The following NALCN variants were observed in gnomAD, a reference collection of about 807,000 sequenced individuals.
The protein encoded by NALCN is sodium leak channel, non-selective.
Under a neutral mutation model 225.3 loss-of-function variants are expected in NALCN, and 111 were observed. The observed-to-expected ratio is 0.49, with a 90% confidence interval of 0.42 to 0.58. The LOEUF is 0.58. Ranked by LOEUF, NALCN falls within the 20% of genes least tolerant of loss-of-function variation. The pLI is 0.00. For synonymous variants in NALCN, 764 were observed against 769.0 expected (o/e 0.99, Z 0.11); for missense variants, 1,378 against 2,202.4 (o/e 0.63, Z 7.49).
At chr13:101,147,771 C>T (rs1347029291) in intron 15 of NALCN, among the ~76,000 whole-genome samples, 1 of 151,972 alleles carries the variant, frequency 6.6e-6, no homozygotes, top group Non-Finnish European at 1.5e-5. Context: ...CCAGCCTCAG[C>T]TAGCTCTATC....
chr13:101,197,590 C>T (rs1235989437), intron 13 of NALCN, among the ~76,000 whole-genome samples: 1 of 152,156 alleles, frequency 6.6e-6, no homozygotes, highest in Non-Finnish European at 1.5e-5. Flanking sequence ...TTAAACATCA[C>T]TATACGGGTC....
intron 13 of NALCN, among the ~76,000 whole-genome samples, chr13:101,222,930 G>A (rs1461756686): frequency 2.0e-5 from 3 of 152,170 alleles, no homozygotes; most frequent in Non-Finnish European, 4.4e-5. Context: ...AGGGAACCAT[G>A]AGGCTGACTA....
intron 13 of NALCN, among the ~76,000 whole-genome samples, chr13:101,194,741 C>G (rs546798622): frequency 1.3e-5 from 2 of 152,292 alleles, no homozygotes; most frequent in Admixed American, 1.3e-4. Context: ...TGATGGCTCA[C>G]GCCTGTAATC....
At chr13:101,168,292 G>T (rs1212451951) in intron 15 of NALCN, among the ~76,000 whole-genome samples, 1 of 151,838 alleles carries the variant, frequency 6.6e-6, no homozygotes, top group Non-Finnish European at 1.5e-5. Flanking sequence ...CTCTTTTTCA[G>T]TATCTATTTC....
In NALCN at chr13:101,095,615, C is replaced by G; in HGVS notation, c.3228G>C (p.Arg1076Ser). The change falls in exon 28 of 44, where the codon AGG becomes AGC. Residue 1076 changes from arginine (R) to serine (S), a missense_variant. Transcript: ENST00000251127. ...AAAATCCAGGTTTTTTCTCTCCAGG[C>G]CTCAATTTTAAATTTAAGTTCTTTG... ...SVSKNLNLKL[R>S]PGEKKPGFWV... 1 of 1,613,298 alleles carries G rather than the reference C, an allele frequency of 6.2e-7. No individual in the cohort carries two copies. Among genetic ancestry groups the G allele is most frequent in the Non-Finnish European group, 8.5e-7 (1 of 1,179,662 alleles).
intron 6 of NALCN, among the ~76,000 whole-genome samples, chr13:101,376,041 C>G (rs2046680898): frequency 1.3e-5 from 2 of 152,056 alleles, no homozygotes; most frequent in Non-Finnish European, 1.5e-5. Flanking sequence ...ACCCACCAAC[C>G]CTACAACAGT....
At chr13:101,307,502 T>C (rs548483827) in intron 7 of NALCN, among the ~76,000 whole-genome samples, 8 of 152,352 alleles carry the variant, frequency 5.3e-5, no homozygotes, top group Admixed American at 1.3e-4. Context: ...TGGAGCGGCA[T>C]TCCAATGAAT....
chr13:101,407,244 T>G (rs2047651027), intron 1 of NALCN, among the ~76,000 whole-genome samples: 1 of 152,202 alleles, frequency 6.6e-6, no homozygotes, highest in Non-Finnish European at 1.5e-5. Context: ...ATCTACTCTA[T>G]AAGTTTCCAA....
chr13:101,301,537 A>G (rs920193024), intron 7 of NALCN, among the ~76,000 whole-genome samples: 2 of 152,120 alleles, frequency 1.3e-5, no homozygotes, highest in Non-Finnish European at 1.5e-5. Flanking sequence ...CCTGGCCAAC[A>G]TGGTGAAACC....
At chr13:101,359,516 C>G (rs2046162518) in intron 6 of NALCN, among the ~76,000 whole-genome samples, 3 of 152,214 alleles carry the variant, frequency 2.0e-5, no homozygotes, top group African/African-American at 4.8e-5. Context: ...AAAATTTGTC[C>G]TAGTGCAGTT....
At chr13:101,273,462 A>G (rs987634820) in intron 10 of NALCN, among the ~76,000 whole-genome samples, 4 of 152,226 alleles carry the variant, frequency 2.6e-5, no homozygotes, top group African/African-American at 9.7e-5. Flanking sequence ...AATACCACAT[A>G]AAAGAATTGC....
In NALCN at chr13:101,171,282, TTATAAA is replaced by T. The variant is rs1273784681; in HGVS notation, c.1839+5012_1839+5017del. Among the ~76,000 whole-genome samples, 4 of 148,948 alleles carry T rather than the reference TTATAAA, an allele frequency of 2.7e-5. No homozygotes were observed. The East Asian group carries it at 5.8e-4, about 22-fold the overall frequency. ...AATTTATGTCATGTATTACATATAT[TTATAAA>T]TATAATCTTTATATTTAATATATAC... On this transcript the variant is annotated intron_variant, in intron 15 of 43. Coordinates refer to ENST00000251127, the MANE Select transcript of NALCN (RefSeq NM_052867.4).
chr13:101,105,068 G>A, intron 22 of NALCN, 118 bp from the exon 23 acceptor site: 3 of 783,486 alleles, frequency 3.8e-6, no homozygotes, highest in Non-Finnish European at 6.2e-6. Flanking sequence ...TCTCTACAAT[G>A]TCCATTATAA....
At chr13:101,351,553 G>C (rs1331799354) in intron 6 of NALCN, among the ~76,000 whole-genome samples, 1 of 152,098 alleles carries the variant, frequency 6.6e-6, no homozygotes, top group Non-Finnish European at 1.5e-5. Context: ...ACTCCTAGCG[G>C]TGCAGAGCAC....
intron 10 of NALCN, among the ~76,000 whole-genome samples, chr13:101,275,938 C>T (rs1444175261): frequency 6.6e-6 from 1 of 151,798 alleles, no homozygotes; most frequent in Admixed American, 6.6e-5. Context: ...GTGGCGGGCG[C>T]CTGTAGTCTC....
intron 6 of NALCN, among the ~76,000 whole-genome samples, chr13:101,374,612 A>G (rs1490873454): frequency 6.6e-6 from 1 of 152,144 alleles, no homozygotes; most frequent in African/African-American, 2.4e-5. Context: ...CTAAGTAGGT[A>G]TGAGATGCAT....
At chr13:101,206,589 T>TAAC (rs4000947) in intron 13 of NALCN, among the ~76,000 whole-genome samples, 41,002 of 151,540 alleles carry the variant, frequency 0.27, 6,541 homozygotes, top group Non-Finnish European at 0.37. Context: ...TTCTCACTGA[T>TAAC]GTTTAACTAT....
intron 11 of NALCN, among the ~76,000 whole-genome samples, chr13:101,250,708 A>G (rs1196286073): frequency 6.6e-6 from 1 of 152,030 alleles, no homozygotes; most frequent in East Asian, 1.9e-4. Context: ...TGAATCAAAA[A>G]TTAAAGATGA....
At chr13:101,076,017 T>C in intron 34 of NALCN, 76 bp from the exon 35 acceptor site, 1 of 1,229,602 alleles carries the variant, frequency 8.1e-7, no homozygotes, top group Non-Finnish European at 1.2e-6. Context: ...TTAAGCCTTC[T>C]GTGAAGTATA....
Sources: allele counts gnomAD v4.1 joint callset (sites outside exome capture counted in the v4.1 genomes callset), GRCh38; gene constraint gnomAD v4.1.1; transcripts MANE v1.5; gene names NCBI Gene and HGNC (gene_info 2026-07-23, HGNC 2026-07-21).